The following SCAMP1 variants were observed in gnomAD, a reference collection of about 807,000 sequenced individuals.
SCAMP1 encodes the protein secretory carrier membrane protein 1.
SCAMP1 carries 15 observed loss-of-function variants against 41.8 expected under a neutral mutation model. That is an observed-to-expected ratio of 0.36 (90% CI 0.24 to 0.55). The LOEUF (loss-of-function observed/expected upper bound fraction) is 0.55, where lower values mean the gene tolerates loss of function less well. Ranked by LOEUF, SCAMP1 falls within the 20% of genes least tolerant of loss-of-function variation. SCAMP1 has a pLI of 0.86. For missense variants in SCAMP1, 341 were observed against 412.6 expected (o/e 0.83, Z 1.50); for synonymous variants, 135 against 136.8 (o/e 0.99, Z 0.09).
intron 7 of SCAMP1, among the ~76,000 whole-genome samples, chr5:78,454,975 G>T (rs1206019698): frequency 2.6e-5 from 4 of 152,072 alleles, no homozygotes; most frequent in African/African-American, 9.7e-5. Flanking sequence ...TTGCGTAGAG[G>T]TGTTTGTAGT....
intron 7 of SCAMP1, 149 bp from the exon 8 acceptor site, chr5:78,459,095 TG>T: frequency 1.7e-6 from 1 of 604,554 alleles, no homozygotes; most frequent in Non-Finnish European, 3.0e-6. Context: ...TCTATCCTAT[TG>T]GGTGGGTTGT....
chr5:78,421,527 G>A (rs1334874700), intron 5 of SCAMP1, among the ~76,000 whole-genome samples: 1 of 152,124 alleles, frequency 6.6e-6, no homozygotes, highest in African/African-American at 2.4e-5. Flanking sequence ...AAGGTAGTGC[G>A]CCTCTGGTTT....
intron 6 of SCAMP1, among the ~76,000 whole-genome samples, chr5:78,431,218 G>A (rs1172199487): frequency 6.6e-6 from 1 of 151,294 alleles, no homozygotes; most frequent in Non-Finnish European, 1.5e-5. Flanking sequence ...AGAATATATA[G>A]CCTGCTCTTG....
At chr5:78,432,078 G>A (rs1752638554) in intron 6 of SCAMP1, among the ~76,000 whole-genome samples, 1 of 151,860 alleles carries the variant, frequency 6.6e-6, no homozygotes. Context: ...TAATTTTTTT[G>A]TATTCATTAA....
At chr5:78,381,489 T>C (rs1751204428) in intron 1 of SCAMP1, among the ~76,000 whole-genome samples, 1 of 152,232 alleles carries the variant, frequency 6.6e-6, no homozygotes, top group African/African-American at 2.4e-5. Flanking sequence ...CACTTCTAAA[T>C]TAGGTTAACT....
chr5:78,471,464 A>T lies in SCAMP1; in HGVS notation c.853-4040A>T, dbSNP rs577852588. Among the ~76,000 whole-genome samples, 4 of 152,274 alleles carry T rather than the reference A, an allele frequency of 2.6e-5. No individual in the cohort carries two copies. In the South Asian group the frequency reaches 8.3e-4, roughly 32 times the overall value. ...AAAACTCAAAACAAGAATTTAAAAA[A>T]TATATTTAAAAAACTCATTTGTTTT... On this transcript the variant is annotated intron_variant, in intron 8 of 8. Coordinates refer to ENST00000621999, the MANE Select transcript of SCAMP1 (RefSeq NM_004866.6).
intron 2 of SCAMP1, among the ~76,000 whole-genome samples, chr5:78,389,742 A>T (rs920095062): frequency 6.6e-6 from 1 of 151,740 alleles, no homozygotes; most frequent in African/African-American, 2.4e-5. Context: ...TCTTTTGATG[A>T]TTTTATTGTG....
intron 8 of SCAMP1, among the ~76,000 whole-genome samples, chr5:78,462,145 T>G (rs1381033501): frequency 6.6e-6 from 1 of 152,062 alleles, no homozygotes; most frequent in East Asian, 1.9e-4. Context: ...GCAATTCTTC[T>G]TATGGAGTTC....
intron 2 of SCAMP1, among the ~76,000 whole-genome samples, chr5:78,403,160 T>C (rs1425414365): frequency 6.6e-6 from 1 of 152,246 alleles, no homozygotes; most frequent in Non-Finnish European, 1.5e-5. Flanking sequence ...CATGAGCCAT[T>C]GTGCCCAGCC....
chr5:78,396,297 G>C (rs1751648404), intron 2 of SCAMP1, among the ~76,000 whole-genome samples: 1 of 152,194 alleles, frequency 6.6e-6, no homozygotes, highest in African/African-American at 2.4e-5. Context: ...TGTTACAAAT[G>C]TCCACTCTGG....
chr5:78,460,719 CTT>C (rs1466343705), intron 8 of SCAMP1, among the ~76,000 whole-genome samples: 1 of 151,356 alleles, frequency 6.6e-6, no homozygotes, highest in Non-Finnish European at 1.5e-5. Flanking sequence ...TTTATTCTCT[CTT>C]TCTTTCTTTT....
intron 2 of SCAMP1, among the ~76,000 whole-genome samples, chr5:78,394,926 C>T (rs1371668102): frequency 6.6e-6 from 1 of 152,190 alleles, no homozygotes; most frequent in Non-Finnish European, 1.5e-5. Context: ...CTGTTCTTTT[C>T]ATTCTTTCTT....
intron 6 of SCAMP1, among the ~76,000 whole-genome samples, chr5:78,432,145 T>A (rs1282807983): frequency 6.6e-6 from 1 of 152,160 alleles, no homozygotes; most frequent in Non-Finnish European, 1.5e-5. Flanking sequence ...TGGCCTCTGG[T>A]CACCATCCTT....
chr5:78,379,314 C>T (rs184219669), intron 1 of SCAMP1, among the ~76,000 whole-genome samples: 10 of 152,232 alleles, frequency 6.6e-5, no homozygotes, highest in African/African-American at 2.2e-4. Flanking sequence ...TATCATTTAT[C>T]GTTACTTAAT....
intron 2 of SCAMP1, among the ~76,000 whole-genome samples, chr5:78,410,677 G>A (rs1752053582): frequency 6.6e-6 from 1 of 152,118 alleles, no homozygotes; most frequent in African/African-American, 2.4e-5. Context: ...TGGGATTGCT[G>A]GGTCAAATCG....
intron 1 of SCAMP1, among the ~76,000 whole-genome samples, chr5:78,378,958 C>T (rs1225614183): frequency 6.6e-6 from 1 of 152,122 alleles, no homozygotes; most frequent in East Asian, 1.9e-4. Context: ...TTTTACAAGC[C>T]CTCCAGGTGA....
chr5:78,468,336 A>G (rs1435792069), intron 8 of SCAMP1, among the ~76,000 whole-genome samples: 1 of 152,182 alleles, frequency 6.6e-6, no homozygotes, highest in African/African-American at 2.4e-5. Context: ...TGGTGTTTTT[A>G]CAAAAGCTCC....
intron 6 of SCAMP1, among the ~76,000 whole-genome samples, chr5:78,448,372 C>T (rs556153529): frequency 6.7e-5 from 10 of 150,052 alleles, no homozygotes; most frequent in South Asian, 6.3e-4. Flanking sequence ...AAGCAACAGA[C>T]GGAGGGAAAA....
chr5:78,456,517 C>A (rs531451074), intron 7 of SCAMP1, among the ~76,000 whole-genome samples: 2 of 151,740 alleles, frequency 1.3e-5, no homozygotes, highest in East Asian at 3.9e-4. Flanking sequence ...TTGGCCCCCA[C>A]TCTCTTCTGG....
Sources: allele counts gnomAD v4.1 joint callset (sites outside exome capture counted in the v4.1 genomes callset), GRCh38; gene constraint gnomAD v4.1.1; transcripts MANE v1.5; gene names NCBI Gene and HGNC (gene_info 2026-07-23, HGNC 2026-07-21).